Variants in MS4A18 observed in about 807,000 individuals in gnomAD.
MS4A18 encodes the protein membrane-spanning 4-domains subfamily A member 18.
A neutral mutation model predicts 13.1 loss-of-function variants in MS4A18; 27 were observed. The ratio of observed to expected loss-of-function variants is 2.06; its 90% CI spans 1.52 to 2.84. The LOEUF is 2.84. Among genes scored for constraint, MS4A18 ranks in the 30% most tolerant of loss-of-function variants. The pLI, the probability that MS4A18 is intolerant of heterozygous loss-of-function variation, is 0.00. For missense variants in MS4A18, 307 were observed against 196.4 expected (o/e 1.56, Z -3.37); for synonymous variants, 126 against 76.5 (o/e 1.65, Z -3.38).
chr11:60,732,746 A>G (rs1428982464), intron 1 of MS4A18, among the ~76,000 whole-genome samples: 7 of 151,076 alleles, frequency 4.6e-5, no homozygotes, highest in Non-Finnish European at 8.9e-5. Flanking sequence ...AAAAAAAAAA[A>G]AAAAAAGAAA....
chr11:60,724,958 C>G (rs995277764), upstream of MS4A18, among the ~76,000 whole-genome samples: 3 of 152,198 alleles, frequency 2.0e-5, no homozygotes, highest in Non-Finnish European at 4.4e-5. Flanking sequence ...GTGCAGCCAC[C>G]CATCCTTGGA....
chr11:60,728,728 T>A (rs1853204742), upstream of MS4A18, among the ~76,000 whole-genome samples: 1 of 151,736 alleles, frequency 6.6e-6, no homozygotes, highest in African/African-American at 2.4e-5. Context: ...CTCTCTCTCC[T>A]TCTCTCCTCT....
chr11:60,729,918 G>T, intron 1 of MS4A18, 132 bp downstream of exon 2: 1 of 602,168 alleles, frequency 1.7e-6, no homozygotes, highest in Non-Finnish European at 3.0e-6. Flanking sequence ...AGTTTCTGGA[G>T]GCTGGACCCA....
chr11:60,725,338 C>T (rs891421498), upstream of MS4A18, among the ~76,000 whole-genome samples: 8 of 152,280 alleles, frequency 5.3e-5, no homozygotes, highest in African/African-American at 9.6e-5. Flanking sequence ...GGACTACAGG[C>T]GCCCGCCACC....
chr11:60,736,868 C>T (rs2134678741), intron 2 of MS4A18, 110 bp from the exon 4 acceptor site: 1 of 640,168 alleles, frequency 1.6e-6, no homozygotes, highest in Non-Finnish European at 2.8e-6. Flanking sequence ...TTTTGTGAAA[C>T]AAGGTGCATA....
At chr11:60,728,501 CTGTGTGTGTGTA>C (rs1455319222), upstream of MS4A18, among the ~76,000 whole-genome samples, 1 of 149,192 alleles carries the variant, frequency 6.7e-6, no homozygotes, top group Non-Finnish European at 1.5e-5. Context: ...TTCCCTCTCT[CTGTGTGTGTGTA>C]TGTGTGTGTG....
At chr11:60,726,922 C>T (rs944424201), upstream of MS4A18, among the ~76,000 whole-genome samples, 1 of 151,708 alleles carries the variant, frequency 6.6e-6, no homozygotes, top group Admixed American at 6.6e-5. Context: ...TGCTCTCCCT[C>T]CCCTTGCCCC....
At chr11:60,732,640 A>T (rs1000313650) in intron 1 of MS4A18, among the ~76,000 whole-genome samples, 4 of 151,166 alleles carry the variant, frequency 2.6e-5, no homozygotes, top group Non-Finnish European at 5.9e-5. Context: ...CTGAGGCAGG[A>T]GAATCACGTG....
At chr11:60,726,850 G>A (rs2134671215), upstream of MS4A18, among the ~76,000 whole-genome samples, 1 of 151,656 alleles carries the variant, frequency 6.6e-6, no homozygotes, top group Non-Finnish European at 1.5e-5. Flanking sequence ...ATGGTGGTTT[G>A]CTGCATCTAT....
rs1205642615 is a variant in MS4A18, at chr11:60,741,061, T to TC, written c.780dup (p.Phe261LeufsTer26). ...TCAAAGGCGGTTTCTGGCGGTCTTC[T>TC]CCCCTTTGCCCTCCTGGAGTTCATC... On this transcript the variant is annotated frameshift_variant, in exon 5 of 6. Coordinates refer to ENST00000529108, the Ensembl canonical transcript of MS4A18. LOFTEE classifies it high-confidence loss of function. The TC allele has an allele frequency of 3.6e-5, 25 of 702,900 alleles. No homozygotes were observed. Among genetic ancestry groups the TC allele is most frequent in the Non-Finnish European group, 6.5e-5 (25 of 385,008 alleles). The allele number at this position is 702,900 out of a possible 1,614,324, so 43.5% of individuals were successfully genotyped here. A position where few individuals can be genotyped will look rare whatever the true frequency, so the allele number is the denominator to read the frequency against.
intron 5 of MS4A18, among the ~76,000 whole-genome samples, chr11:60,741,695 A>G (rs1853417071): frequency 6.6e-6 from 1 of 152,110 alleles, no homozygotes; most frequent in Non-Finnish European, 1.5e-5. Flanking sequence ...GTTAATGAAT[A>G]TAAGGATTTG....
At chr11:60,738,053 T>C (rs1590964612) in intron 3 of MS4A18, among the ~76,000 whole-genome samples, 3 of 152,238 alleles carry the variant, frequency 2.0e-5, no homozygotes, top group South Asian at 2.1e-4. Flanking sequence ...CCTAGTCCTC[T>C]CTTGCTCTGA....
chr11:60,730,237 G>T (rs989189545), intron 1 of MS4A18, among the ~76,000 whole-genome samples: 1 of 152,190 alleles, frequency 6.6e-6, no homozygotes, highest in South Asian at 2.1e-4. Flanking sequence ...CAGCTCCAAG[G>T]TTTTGTGATT....
chr11:60,726,208 G>A (rs186289696), upstream of MS4A18, among the ~76,000 whole-genome samples: 17 of 152,228 alleles, frequency 1.1e-4, no homozygotes, highest in East Asian at 1.3e-3. Flanking sequence ...GAGGCGGGTC[G>A]GATCAAAATG....
At chr11:60,742,836 G>A (rs1272394775) in intron 5 of MS4A18, among the ~76,000 whole-genome samples, 1 of 152,132 alleles carries the variant, frequency 6.6e-6, no homozygotes, top group Non-Finnish European at 1.5e-5. Context: ...TATGCAACCA[G>A]AAGCACCCAA....
intron 3 of MS4A18, 148 bp from the exon 5 acceptor site, chr11:60,738,754 A>T: frequency 3.4e-6 from 2 of 586,792 alleles, no homozygotes; most frequent in South Asian, 4.2e-5. Context: ...TCACCTCACT[A>T]TCGCTAAAAT....
At chr11:60,744,709 A>G (rs1853462261), downstream of MS4A18, among the ~76,000 whole-genome samples, 1 of 152,232 alleles carries the variant, frequency 6.6e-6, no homozygotes, top group Admixed American at 6.5e-5. Flanking sequence ...AAAAGGCTTG[A>G]ACAGAGGCTC....
intron 5 of MS4A18, among the ~76,000 whole-genome samples, chr11:60,742,144 A>G (rs933315219): frequency 7.1e-4 from 108 of 152,232 alleles, no homozygotes; most frequent in African/African-American, 2.6e-3. Context: ...TGCCCATGCC[A>G]TTGTTTTCTA....
At chr11:60,735,391 T>C (rs1853320495) in intron 2 of MS4A18, among the ~76,000 whole-genome samples, 1 of 149,686 alleles carries the variant, frequency 6.7e-6, no homozygotes, top group Admixed American at 6.6e-5. Context: ...TGGAGTGCAG[T>C]GGCGCCATCT....
Sources: allele counts gnomAD v4.1 joint callset (sites outside exome capture counted in the v4.1 genomes callset), GRCh38; gene constraint gnomAD v4.1.1; transcripts MANE v1.5; gene names NCBI Gene and HGNC (gene_info 2026-07-23, HGNC 2026-07-21).